PLXNA4: variants seen among roughly 807,000 people sequenced by gnomAD.
The protein encoded by PLXNA4 is plexin A4, also known as plexin-A4.
A neutral mutation model predicts 191.8 loss-of-function variants in PLXNA4; 44 were observed. The observed-to-expected ratio is 0.23, with a 90% confidence interval of 0.18 to 0.29. PLXNA4 has a LOEUF of 0.29. Among genes scored for constraint, PLXNA4 ranks in the 10% least tolerant of loss-of-function variants. The pLI, the probability that PLXNA4 is intolerant of heterozygous loss-of-function variation, is 1.00. For missense variants in PLXNA4, 1,800 were observed against 2,488.8 expected (o/e 0.72, Z 5.89); for synonymous variants, 1,082 against 1,009.5 (o/e 1.07, Z -1.36).
intron 10 of PLXNA4, among the ~76,000 whole-genome samples, chr7:132,208,079 TG>T (rs1230120654): frequency 3.3e-5 from 5 of 151,750 alleles, no homozygotes; most frequent in Non-Finnish European, 5.9e-5. Flanking sequence ...GTAACTATGG[TG>T]GGGGTGGGTT....
intron 1 of PLXNA4, among the ~76,000 whole-genome samples, chr7:132,536,769 C>T (rs554846803): frequency 6.6e-6 from 1 of 152,226 alleles, no homozygotes; most frequent in East Asian, 1.9e-4. Flanking sequence ...TACACCACCC[C>T]TAAGCGAGGA....
At chr7:132,516,463 G>C (rs1048456799) in intron 1 of PLXNA4, among the ~76,000 whole-genome samples, 1 of 152,116 alleles carries the variant, frequency 6.6e-6, no homozygotes, top group Non-Finnish European at 1.5e-5. Flanking sequence ...GTATGGACCT[G>C]GTTGAACAGA....
intron 3 of PLXNA4, among the ~76,000 whole-genome samples, chr7:132,458,450 G>A (rs1259630646): frequency 3.3e-5 from 5 of 151,874 alleles, no homozygotes; most frequent in African/African-American, 1.2e-4. Flanking sequence ...GTCAATGTTG[G>A]TGTACCCACA....
chr7:132,513,614 A>G (rs2116306157), intron 1 of PLXNA4, among the ~76,000 whole-genome samples: 1 of 151,948 alleles, frequency 6.6e-6, no homozygotes, highest in African/African-American at 2.4e-5. Context: ...AATTCACGTC[A>G]CAACACACCA....
intron 3 of PLXNA4, among the ~76,000 whole-genome samples, chr7:132,469,158 A>G (rs984899377): frequency 6.6e-6 from 1 of 151,948 alleles, no homozygotes; most frequent in Non-Finnish European, 1.5e-5. Flanking sequence ...GAAAGAAAAA[A>G]AAAAGAAAAA....
At chr7:132,152,412 C>T (rs1795672512) in intron 25 of PLXNA4, among the ~76,000 whole-genome samples, 1 of 152,202 alleles carries the variant, frequency 6.6e-6, no homozygotes, top group Admixed American at 6.5e-5. Context: ...TCAGGAGGCC[C>T]TCTGTGAGGG....
chr7:132,155,190 C>T (rs1430722791), intron 25 of PLXNA4, among the ~76,000 whole-genome samples: 4 of 152,136 alleles, frequency 2.6e-5, no homozygotes, highest in African/African-American at 7.2e-5. Flanking sequence ...CTGGAGGTCA[C>T]GGACAGTGGC....
At chr7:132,615,947 C>CTCTCTCTCTCTCTCTT (rs1215571004) in intron 2 of PLXNA4, among the ~76,000 whole-genome samples, 4 of 150,572 alleles carry the variant, frequency 2.7e-5, no homozygotes, top group Non-Finnish European at 4.4e-5. Flanking sequence ...CTCTCTCTCT[C>CTCTCTCTCTCTCTCTT]TCTCTCTCTC....
rs539648190 is a variant in PLXNA4 at position 132,307,688 on chromosome 7, C to T, written c.1372-9466G>A. Among the ~76,000 whole-genome samples the T allele has an allele frequency of 2.0e-4, 30 of 152,252 alleles. No homozygotes were observed. In the South Asian group the frequency reaches 6.0e-3, roughly 31 times the overall value. On this transcript the variant is annotated intron_variant, in intron 3 of 31. Transcript: ENST00000321063. ...CGCCAGCAGGGTGGACTGTTTGATG[C>T]CACATCCGTGCCTTCCTGCCTTTAG...
intron 2 of PLXNA4, among the ~76,000 whole-genome samples, chr7:132,627,900 G>A (rs189498701): frequency 1.6e-3 from 238 of 152,292 alleles, no homozygotes; most frequent in African/African-American, 5.4e-3. Context: ...CAACAAGAAT[G>A]GACTCAGATA....
rs766268551 is a variant in PLXNA4 at position 132,133,096 on chromosome 7, T to C, written c.5542A>G (p.Ser1848Gly). 7.4e-6 allele frequency: 12 copies of C among 1,614,090 alleles called. No homozygotes were observed. The highest frequency in any genetic ancestry group is 8.5e-6 in the Non-Finnish European group (10 of 1,180,036). Residue 1848 changes from serine to glycine, a missense_variant, in exon 31 of 32, where the codon AGT becomes GGT. Transcript: ENST00000321063. ...RMHMNEFNTM[S>G]ALSEIFSYVG... The stretch of plus-strand genomic sequence containing the variant: ...TAGGAGAAGATCTCTGAGAGTGCAC[T>C]CATGGTGTTGAACTCATTCATGTGC...
At chr7:132,504,226 CCTCTGTGCGGTCCTCAGG>C (rs1798368412) in intron 2 of PLXNA4, among the ~76,000 whole-genome samples, 2 of 152,262 alleles carry the variant, frequency 1.3e-5, no homozygotes, top group Non-Finnish European at 2.9e-5. Flanking sequence ...AAGACTTTTC[CCTCTGTGCGGTCCTCAGG>C]CTCTGGCCTG....
intron 29 of PLXNA4, among the ~76,000 whole-genome samples, chr7:132,142,494 C>T (rs1268465707): frequency 6.6e-6 from 1 of 152,210 alleles, no homozygotes; most frequent in Admixed American, 6.5e-5. Context: ...TCCCAGCAGC[C>T]AGCATGTACA....
At chr7:132,559,175 C>T (rs762051983) in intron 1 of PLXNA4, among the ~76,000 whole-genome samples, 55 of 152,056 alleles carry the variant, frequency 3.6e-4, no homozygotes, top group African/African-American at 9.7e-5. Context: ...AGTGCAGCTC[C>T]GTAAATGTAT....
chr7:132,340,930 C>T (rs910369740), intron 3 of PLXNA4, among the ~76,000 whole-genome samples: 3 of 152,208 alleles, frequency 2.0e-5, no homozygotes, highest in Middle Eastern at 3.2e-3. Context: ...CTGCCTGCCT[C>T]AGCCTCCCAA....
intron 2 of PLXNA4, among the ~76,000 whole-genome samples, chr7:132,603,451 T>G (rs1008505445): frequency 6.6e-6 from 1 of 152,210 alleles, no homozygotes; most frequent in African/African-American, 2.4e-5. Flanking sequence ...GTGTCTGGTC[T>G]CTAAGCAAAA....
At chr7:132,620,471 G>A (rs1443246977) in intron 2 of PLXNA4, among the ~76,000 whole-genome samples, 2 of 152,018 alleles carry the variant, frequency 1.3e-5, no homozygotes, top group African/African-American at 2.4e-5. Flanking sequence ...TATAACTAGT[G>A]CATTGAGGAT....
intron 4 of PLXNA4, among the ~76,000 whole-genome samples, chr7:132,255,889 G>A (rs969876349): frequency 3.3e-5 from 5 of 152,216 alleles, no homozygotes; most frequent in Admixed American, 2.6e-4. Context: ...CCCAGCACCT[G>A]GAAAAGTTAA....
intron 2 of PLXNA4, among the ~76,000 whole-genome samples, chr7:132,626,476 T>C (rs946035821): frequency 6.6e-6 from 1 of 152,216 alleles, no homozygotes; most frequent in Non-Finnish European, 1.5e-5. Flanking sequence ...GGATTTTTCA[T>C]GAGTGGTTTA....
Sources: allele counts gnomAD v4.1 joint callset (sites outside exome capture counted in the v4.1 genomes callset), GRCh38; gene constraint gnomAD v4.1.1; transcripts MANE v1.5; gene names NCBI Gene and HGNC (gene_info 2026-07-23, HGNC 2026-07-21).